The following ATP8B3 variants were observed in gnomAD, a reference collection of about 807,000 sequenced individuals.
The protein encoded by ATP8B3 is phospholipid-transporting ATPase IK.
Under a neutral mutation model 140.9 loss-of-function variants are expected in ATP8B3, and 141 were observed. The observed-to-expected ratio is 1.00, with a 90% CI of 0.87 to 1.15. The LOEUF (loss-of-function observed/expected upper bound fraction) is 1.15. Ranked by LOEUF, ATP8B3 falls within the 50% of genes most tolerant of loss-of-function variation. The probability of loss-of-function intolerance (pLI) is 0.00; values close to 1 mark genes in which losing one functional copy is unlikely to be tolerated. For missense variants in ATP8B3, 1,874 were observed against 1,740.6 expected, an observed-to-expected ratio of 1.08 and a Z score of -1.36; for synonymous variants, 765 against 714.6, an observed-to-expected ratio of 1.07 and a Z score of -1.13.
chr19:1,806,416 C>T lies in ATP8B3; in HGVS notation c.677+212G>A. ...TTCCTTGTCCTCCCCATCGCCCGAGCCCTAAGCTCTGCAAGGGTTCGCCAT... is the reference window on the plus strand; with the variant it reads ...TTCCTTGTCCTCCCCATCGCCCGAGTCCTAAGCTCTGCAAGGGTTCGCCAT... On this transcript the variant is annotated intron_variant, in intron 7 of 28. Coordinates refer to ENST00000310127, the MANE Select transcript of ATP8B3 (RefSeq NM_138813.4). The surrounding 1 kb of genome is among the most constrained non-coding windows in gnomAD (Gnocchi z 5.6). 6.9e-7 allele frequency: 1 copy of T among 1,446,890 alleles called. No individual in the cohort carries two copies. Among genetic ancestry groups the T allele is most frequent in the Non-Finnish European group, 9.0e-7 (1 of 1,106,718 alleles). 89.6% of individuals were successfully genotyped at this position (1,446,890 alleles called of 1,614,324 possible).
chr19:1,789,960 C>T lies in ATP8B3; in HGVS notation c.2408G>A (p.Ser803Asn), dbSNP rs1441382392. ...GGACTCCCTGGTTAGAAGGTTGTTA[C>T]TGTTTTCCCAGTAGGTCTCCAGGAT... Reference protein sequence around the residue: ...SRILETYWENSNNLLTRESLS... With the variant: ...SRILETYWENNNNLLTRESLS... The change falls in exon 22 of 29, where the codon AGT becomes AAT. Residue 803 changes from serine (S) to asparagine (N), a missense_variant. This residue lies in a region of ATP8B3 where 840 missense variants were observed against 760.9 expected (regional missense o/e 1.10). Transcript: ENST00000310127. 2 of 1,612,134 alleles carry T rather than the reference C, an allele frequency of 1.2e-6. No individual in the cohort carries two copies. Among genetic ancestry groups the T allele is most frequent in the Admixed American group, 3.3e-5 (2 of 60,006 alleles).
Position 1,800,222 on chromosome 19 carries a change from C to T in ATP8B3, c.1343+37G>A, listed in dbSNP as rs539185149. 2.4e-5 allele frequency: 39 copies of T among 1,602,386 alleles called. No homozygotes were observed. Among genetic ancestry groups the T allele is most frequent in the Admixed American group, 1.9e-4 (11 of 58,588 alleles). ...GTGCCATCCCCATGCCTCCCCGTTCCGCGTTTGCACCGGGGACGCAGCCGG... is the reference window on the plus strand; with the variant it reads ...GTGCCATCCCCATGCCTCCCCGTTCTGCGTTTGCACCGGGGACGCAGCCGG... On this transcript the variant is annotated intron_variant, in intron 13 of 28. Coordinates refer to ENST00000310127, the MANE Select transcript of ATP8B3 (RefSeq NM_138813.4). This position sits in a 1 kb window ranked among gnomAD's most constrained non-coding sequence, Gnocchi z 4.4.
Position 1,805,063 on chromosome 19 carries a change from C to G in ATP8B3, c.904+311G>C, listed in dbSNP as rs376334629. 10 of 401,620 alleles carry G rather than the reference C, an allele frequency of 2.5e-5. No individual in the cohort carries two copies. In the East Asian group the frequency reaches 2.9e-4, roughly 12 times the overall value. The allele number at this position is 401,620 out of a possible 1,614,324, so 24.9% of individuals were successfully genotyped here. On this transcript the variant is annotated intron_variant, in intron 10 of 28. Coordinates refer to ENST00000310127, the MANE Select transcript of ATP8B3 (RefSeq NM_138813.4). The surrounding 1 kb of genome is among the most constrained non-coding windows in gnomAD (Gnocchi z 5.2). ...GATCACAGCTCACTGCAGCCTCAGC[C>G]TCCCTGAGCTCAAGCGAGCCTCCCA...
intron 10 of ATP8B3, among the ~76,000 whole-genome samples, chr19:1,802,949 A>T (rs755863918): frequency 2.0e-5 from 3 of 152,102 alleles, no homozygotes; most frequent in Non-Finnish European, 4.4e-5. Context: ...GTGACGAGAC[A>T]TTTATCTGTG....
chr19:1,795,913 T>G lies in ATP8B3; in HGVS notation c.2017A>C (p.Arg673=). Residue 673 remains arginine (R), a synonymous_variant, in exon 18 of 29, where the codon AGG becomes CGG. Coordinates refer to ENST00000310127, the MANE Select transcript of ATP8B3 (RefSeq NM_138813.4). ...TCTGTGGCAAATTCCATTGCCCCCC[T>G]CCTGTGCAAGCGTTCGAAGATGACC... ...DTVIFERLHR[R]GAMEFATEEA... 1 of 1,609,796 alleles carries G rather than the reference T, an allele frequency of 6.2e-7. No homozygotes were observed. Among genetic ancestry groups the G allele is most frequent in the Non-Finnish European group, 8.5e-7 (1 of 1,179,222 alleles).
At chr19:1,810,558 C>G in intron 3 of ATP8B3, 64 bp downstream of exon 3, 1 of 1,518,980 alleles carries the variant, frequency 6.6e-7, no homozygotes, top group East Asian at 2.4e-5. Context: ...GCCACCACGC[C>G]TGGCCAGCCC....
chr19:1,800,353 C>A lies in ATP8B3; in HGVS notation c.1249G>T (p.Val417Leu). The A allele has an allele frequency of 6.2e-7, 1 of 1,612,956 alleles. No individual in the cohort carries two copies. The highest frequency in any genetic ancestry group is 8.5e-7 in the Non-Finnish European group (1 of 1,179,864). ...FKDHHYYLSG[V>L]HGSSVAAESF... Reference sequence around the variant, plus strand: ...TCTGCGGCCACGCTGCTCCCATGCACCCCCGAGAGGTAGTAGTGGTGGTCT... The same window carrying A: ...TCTGCGGCCACGCTGCTCCCATGCAACCCCGAGAGGTAGTAGTGGTGGTCT... Residue 417 changes from valine to leucine, a missense_variant, in exon 13 of 29, where the codon GTG becomes TTG. Around this residue, in one of 3 missense-constraint regions of ATP8B3, gnomAD observed 1,032 missense variants for 963.6 expected, o/e 1.07. Coordinates refer to ENST00000310127, the MANE Select transcript of ATP8B3 (RefSeq NM_138813.4). This position sits in a 1 kb window ranked among gnomAD's most constrained non-coding sequence, Gnocchi z 4.4.
Position 1,806,438 on chromosome 19 carries a change from C to A in ATP8B3, c.677+190G>T. On this transcript the variant is annotated intron_variant, in intron 7 of 28. Coordinates refer to ENST00000310127, the MANE Select transcript of ATP8B3 (RefSeq NM_138813.4). This position sits in a 1 kb window ranked among gnomAD's most constrained non-coding sequence, Gnocchi z 5.6. ...GAGCCCTAAGCTCTGCAAGGGTTCG[C>A]CATCAGGGCCTCGGCCTCTGTCCTC... is the stretch of plus-strand genomic sequence containing the variant. 1 of 1,449,552 alleles carries A rather than the reference C, an allele frequency of 6.9e-7. No individual in the cohort carries two copies. The highest frequency in any genetic ancestry group is 2.6e-5 in the Admixed American group (1 of 38,016). The allele number at this position is 1,449,552 out of a possible 1,614,324, so 89.8% of individuals were successfully genotyped here. A position where few individuals can be genotyped will look rare whatever the true frequency, so the allele number is the denominator to read the frequency against.
In ATP8B3 at chr19:1,791,418, C is replaced by T. The variant is rs796572914; in HGVS notation, c.2302+332G>A. On this transcript the variant is annotated intron_variant, in intron 20 of 28. Transcript: ENST00000310127. ...TTTTTTTTTTTTTGAGACAGAGTCTCGCTCTGTCGCCCAGGCTGGAGTGCA... is the reference window on the plus strand; with the variant it reads ...TTTTTTTTTTTTTGAGACAGAGTCTTGCTCTGTCGCCCAGGCTGGAGTGCA... 2.5e-4 allele frequency among the ~76,000 whole-genome samples: 37 copies of T among 150,420 alleles called. 2 individuals carry two copies. Among genetic ancestry groups the T allele is most frequent in the African/African-American group, 8.8e-4 (36 of 41,000 alleles).
rs978199370 is a variant in ATP8B3 at position 1,805,796 on chromosome 19, G to A, written c.821+92C>T. 11 of 1,501,850 alleles carry A rather than the reference G, an allele frequency of 7.3e-6. No individual in the cohort carries two copies. The highest frequency in any genetic ancestry group is 2.0e-4 in the Middle Eastern group (1 of 5,118). The allele number at this position is 1,501,850 out of a possible 1,614,324, so 93.0% of individuals were successfully genotyped here. On this transcript the variant is annotated intron_variant, in intron 9 of 28. Coordinates refer to ENST00000310127, the MANE Select transcript of ATP8B3 (RefSeq NM_138813.4). The surrounding 1 kb of genome is among the most constrained non-coding windows in gnomAD (Gnocchi z 5.2). ...GTGACCAAAGTCTCTGAGCGACCTT[G>A]GCTGGCCGCCTCCTTGGTGACTGGG...
In ATP8B3 at chr19:1,806,408, C is replaced by T. The variant is rs567294897; in HGVS notation, c.677+220G>A. On this transcript the variant is annotated intron_variant, in intron 7 of 28. Transcript: ENST00000310127. The surrounding 1 kb of genome is among the most constrained non-coding windows in gnomAD (Gnocchi z 5.6). ...TTCAGACTTTCCTTGTCCTCCCCAT[C>T]GCCCGAGCCCTAAGCTCTGCAAGGG... is the stretch of plus-strand genomic sequence containing the variant. The T allele has an allele frequency of 1.2e-5, 17 of 1,443,692 alleles. No homozygotes were observed. The highest frequency in any genetic ancestry group is 7.5e-5 in the East Asian group (3 of 40,156). The allele number at this position is 1,443,692 out of a possible 1,614,324, so 89.4% of individuals were successfully genotyped here. A position where few individuals can be genotyped will look rare whatever the true frequency, so the allele number is the denominator to read the frequency against.
chr19:1,783,790 G>C (rs1381772484), intron 28 of ATP8B3, among the ~76,000 whole-genome samples: 1 of 152,208 alleles, frequency 6.6e-6, no homozygotes, highest in East Asian at 1.9e-4. Flanking sequence ...CATCTCAGCT[G>C]CAACTTGCTT....
At chr19:1,790,919 G>T in intron 20 of ATP8B3, 87 bp from the exon 21 acceptor site, 2 of 1,244,464 alleles carry the variant, frequency 1.6e-6, no homozygotes, top group Non-Finnish European at 2.2e-6. Flanking sequence ...GTGAATCCTG[G>T]CCCGACCAAT....
At chr19:1,785,091 C>G in intron 27 of ATP8B3, 68 bp downstream of exon 27, 1 of 1,487,772 alleles carries the variant, frequency 6.7e-7, no homozygotes, top group Non-Finnish European at 8.9e-7. Context: ...CATGAGCAAC[C>G]TGCAACCTCT....
rs200167583 is a variant in ATP8B3, at chr19:1,800,358, G to A, written c.1244C>T (p.Ser415Leu). ...GGCCACGCTGCTCCCATGCACCCCC[G>A]AGAGGTAGTAGTGGTGGTCTTTGAA... ...KEFKDHHYYL[S>L]GVHGSSVAAE... Residue 415 changes from serine (S) to leucine (L), a missense_variant, in exon 13 of 29, where the codon TCG (serine) becomes TTG (leucine). This residue lies in a region of ATP8B3 where 1,032 missense variants were observed against 963.6 expected (regional missense o/e 1.07). Transcript: ENST00000310127. The surrounding 1 kb of genome is among the most constrained non-coding windows in gnomAD (Gnocchi z 4.4). 6.2e-6 allele frequency: 10 copies of A among 1,612,912 alleles called. No individual in the cohort carries two copies. Among genetic ancestry groups the A allele is most frequent in the Admixed American group, 3.3e-5 (2 of 60,014 alleles).
intron 18 of ATP8B3, 27 bp downstream of exon 18, chr19:1,795,837 ACACACACACAT>A (rs751102727): frequency 1.5e-4 from 204 of 1,330,990 alleles, no homozygotes; most frequent in African/African-American, 4.1e-4. Flanking sequence ...ACACACACAC[ACACACACACAT>A]AAGCCAGCCT....
At position 1,795,830 on chromosome 19, in the gene ATP8B3, CACACACACACACACACAT is replaced by C. The variant is rs767735125; in HGVS notation, c.2055+27_2055+44del. 276 of 1,344,072 alleles carry C rather than the reference CACACACACACACACACAT, an allele frequency of 2.1e-4. 3 individuals carry two copies. In the African/African-American group the frequency reaches 3.2e-3, roughly 16 times the overall value. The allele number at this position is 1,344,072 out of a possible 1,614,324, so 83.3% of individuals were successfully genotyped here. On this transcript the variant is annotated intron_variant, in intron 18 of 28. Transcript: ENST00000310127. Reference sequence around the variant, plus strand: ...ACACACACACACACACACACACACACACACACACACACACACATAAGCCAGCCTTCCTGAAGGGACTCA... The same window carrying C: ...ACACACACACACACACACACACACACAAGCCAGCCTTCCTGAAGGGACTCA...
rs570192992 is a variant in ATP8B3, at chr19:1,808,208, G to A, written c.516+14C>T. ...GGCTAGGGGGGACTTCCTGGAGGAG[G>A]CAACACGCCTCACCTGCAGGATGAT... On this transcript the variant is annotated intron_variant, in intron 5 of 28. Coordinates refer to ENST00000310127, the MANE Select transcript of ATP8B3 (RefSeq NM_138813.4). 1.9e-6 allele frequency: 3 copies of A among 1,594,292 alleles called. No homozygotes were observed. Among genetic ancestry groups the A allele is most frequent in the South Asian group, 2.2e-5 (2 of 89,784 alleles).
At chr19:1,809,916 C>T (rs2069139673) in intron 3 of ATP8B3, among the ~76,000 whole-genome samples, 182 bp from the exon 4 acceptor site, 2 of 152,246 alleles carry the variant, frequency 1.3e-5, no homozygotes, top group Admixed American at 6.5e-5. Flanking sequence ...AGACCCTGCC[C>T]ATAGTTGGCG....
Sources: gnomAD v4.1 joint callset for allele counts (sites outside exome capture counted in the v4.1 genomes callset) on GRCh38, gnomAD v4.1.1 for gene constraint, gnomAD v4.1.1 regional missense constraint, Gnocchi (gnomAD v3.1) non-coding constraint, MANE v1.5 for transcripts, NCBI Gene and HGNC (gene_info 2026-07-23, HGNC 2026-07-21) for gene names.